Variants in CEP43 observed in about 807,000 individuals in gnomAD.
CEP43 encodes the protein FGFR1 oncogene partner.
A neutral mutation model predicts 52.6 loss-of-function variants in CEP43; 36 were observed. That is an observed-to-expected ratio of 0.68 (90% CI 0.52 to 0.90). The LOEUF (loss-of-function observed/expected upper bound fraction) is 0.90. Among genes scored for constraint, CEP43 ranks in the 40% least tolerant of loss-of-function variants. The pLI, the probability that CEP43 is intolerant of heterozygous loss-of-function variation, is 0.00. For synonymous variants in CEP43, 192 were observed against 172.4 expected (o/e 1.11, Z -0.89); for missense variants, 506 against 472.8 (o/e 1.07, Z -0.65).
Position 167,047,790 on chromosome 6 carries a change from C to T in CEP43, c.*7812C>T, listed in dbSNP as rs1464814406. 6.6e-6 allele frequency: 1 copy of T among 152,002 alleles called. No individual in the cohort carries two copies. The highest frequency in any genetic ancestry group is 1.5e-5 in the Non-Finnish European group (1 of 68,010). 9.4% of individuals were successfully genotyped at this position (152,002 alleles called of 1,614,324 possible). The stretch of plus-strand genomic sequence containing the variant: ...CCCTGTTAGCGGTATGTGGTAAGAA[C>T]ATGAGACACAGAATCAGAAACCATG... On this transcript the variant is annotated 3_prime_UTR_variant, in exon 13 of 13. Coordinates refer to ENST00000366847, the MANE Select transcript of CEP43 (RefSeq NM_007045.4).
At chr6:167,028,763 C>G (rs1191521794) in intron 10 of CEP43, among the ~76,000 whole-genome samples, 1 of 152,172 alleles carries the variant, frequency 6.6e-6, no homozygotes, top group Non-Finnish European at 1.5e-5. Context: ...AGTCCTGATG[C>G]ATCACACAGA....
Position 167,040,591 on chromosome 6 carries a change from T to C in CEP43, c.*613T>C, listed in dbSNP as rs1780675258. 9.5e-7 allele frequency: 1 copy of C among 1,048,540 alleles called. No homozygotes were observed. The highest frequency in any genetic ancestry group is 1.2e-6 in the Non-Finnish European group (1 of 866,560). 65.0% of individuals were successfully genotyped at this position (1,048,540 alleles called of 1,614,324 possible). On this transcript the variant is annotated 3_prime_UTR_variant, in exon 13 of 13. Transcript: ENST00000366847. ...CTTGTGTGTGCTATTTAGTTTTGCT[T>C]GTTTTAAAGAAATCTAGAAGTGGTT...
intron 10 of CEP43, among the ~76,000 whole-genome samples, chr6:167,030,238 C>G (rs538328658): frequency 1.3e-5 from 2 of 152,340 alleles, no homozygotes; most frequent in Admixed American, 1.3e-4. Context: ...CACAGCCGTC[C>G]TCGCTGTCTC....
chr6:167,003,878 A>G, intron 4 of CEP43, 67 bp downstream of exon 4: 2 of 937,260 alleles, frequency 2.1e-6, no homozygotes, highest in Non-Finnish European at 3.3e-6. Context: ...TATTAAGCTG[A>G]AAGTTAATAG....
At chr6:167,033,005 C>A (rs1780503237) in intron 11 of CEP43, among the ~76,000 whole-genome samples, 1 of 151,034 alleles carries the variant, frequency 6.6e-6, no homozygotes, top group African/African-American at 2.4e-5. Flanking sequence ...TCAAAATTGA[C>A]CTAAAATAAT....
At chr6:167,002,673 A>G (rs915047225) in intron 2 of CEP43, among the ~76,000 whole-genome samples, 13 of 152,242 alleles carry the variant, frequency 8.5e-5, no homozygotes, top group Admixed American at 8.5e-4. Context: ...GCCTCTTCTC[A>G]GCAACAATCA....
At chr6:167,028,234 A>G in intron 10 of CEP43, 3 of 985,320 alleles carry the variant, frequency 3.0e-6, no homozygotes, top group South Asian at 4.7e-5. Context: ...CTCTTACCAA[A>G]GCGAGGGTTT....
Position 167,041,574 on chromosome 6 carries a change from GTTCTGGTC to G in CEP43, c.*1597_*1604del. 1.9e-6 allele frequency: 2 copies of G among 1,048,896 alleles called. No homozygotes were observed. The highest frequency in any genetic ancestry group is 2.3e-6 in the Non-Finnish European group (2 of 868,970). The allele number at this position is 1,048,896 out of a possible 1,614,324, so 65.0% of individuals were successfully genotyped here. A position where few individuals can be genotyped will look rare whatever the true frequency, so the allele number is the denominator to read the frequency against. On this transcript the variant is annotated 3_prime_UTR_variant, in exon 13 of 13. Coordinates refer to ENST00000366847, the MANE Select transcript of CEP43 (RefSeq NM_007045.4). ...ACAGTCACTTTCTAAAAGCACTATA[GTTCTGGTC>G]CCCTGGAATCTGGATCACATGTATG...
chr6:167,026,436 T>TA (rs1562530704), intron 9 of CEP43, 111 bp from the exon 10 acceptor site: 4 of 710,728 alleles, frequency 5.6e-6, no homozygotes, highest in Non-Finnish European at 7.6e-6. Context: ...TTTAGGTTAT[T>TA]ATGCTCCTGT....
chr6:167,036,229 G>A, intron 12 of CEP43: 1 of 985,420 alleles, frequency 1.0e-6, no homozygotes, highest in Non-Finnish European at 1.2e-6. Flanking sequence ...ACTCTGACTT[G>A]GTTCTGCGAG....
chr6:167,023,188 G>A (rs1780278751), intron 8 of CEP43, among the ~76,000 whole-genome samples: 1 of 152,150 alleles, frequency 6.6e-6, no homozygotes. Context: ...AGAGCAAGAT[G>A]GGGATCGGAT....
chr6:167,052,546 C>T lies in CEP43; in HGVS notation c.*12568C>T, dbSNP rs1004550667. On this transcript the variant is annotated 3_prime_UTR_variant, in exon 13 of 13. Coordinates refer to ENST00000366847, the MANE Select transcript of CEP43 (RefSeq NM_007045.4). Reference sequence around the variant, plus strand: ...CATCCCTTGCCTTTCACCAAGTGACCCTATACTGGCGGCAGAACTTCTCGA... The same window carrying T: ...CATCCCTTGCCTTTCACCAAGTGACTCTATACTGGCGGCAGAACTTCTCGA... The T allele has an allele frequency of 1.3e-5, 2 of 152,166 alleles. No individual in the cohort carries two copies. Among genetic ancestry groups the T allele is most frequent in the African/African-American group, 4.8e-5 (2 of 41,428 alleles). The allele number at this position is 152,166 out of a possible 1,614,324, so 9.4% of individuals were successfully genotyped here. A position where few individuals can be genotyped will look rare whatever the true frequency, so the allele number is the denominator to read the frequency against.
intron 9 of CEP43, among the ~76,000 whole-genome samples, chr6:167,026,275 A>G (rs1224221090): frequency 6.6e-6 from 1 of 152,220 alleles, no homozygotes; most frequent in African/African-American, 2.4e-5. Context: ...AGGCGGGAGA[A>G]TCGCTTGAAC....
intron 9 of CEP43, among the ~76,000 whole-genome samples, chr6:167,025,937 A>ACGAGGTCAGG (rs1780345262): frequency 6.6e-6 from 1 of 152,272 alleles, no homozygotes. Flanking sequence ...AAGGAAAAAT[A>ACGAGGTCAGG]AGACTCATGA....
chr6:167,013,397 T>A, intron 6 of CEP43, 111 bp from the exon 7 acceptor site: 1 of 802,902 alleles, frequency 1.2e-6, no homozygotes, highest in Non-Finnish European at 2.0e-6. Context: ...ATTAACTAGA[T>A]GTTCCACTTC....
intron 2 of CEP43, among the ~76,000 whole-genome samples, chr6:167,000,599 C>T (rs1459714745): frequency 6.6e-6 from 1 of 152,316 alleles, no homozygotes; most frequent in Non-Finnish European, 1.5e-5. Flanking sequence ...TCCCACCAAC[C>T]ATCCTGAGTA....
chr6:167,014,099 G>A (rs1316715482), intron 7 of CEP43, among the ~76,000 whole-genome samples: 1 of 152,206 alleles, frequency 6.6e-6, no homozygotes, highest in Non-Finnish European at 1.5e-5. Flanking sequence ...AATTCCTGTT[G>A]TGTTGGCAAT....
intron 5 of CEP43, among the ~76,000 whole-genome samples, chr6:167,008,065 C>T (rs1381950002): frequency 4.6e-5 from 7 of 151,972 alleles, no homozygotes; most frequent in African/African-American, 1.5e-4. Flanking sequence ...CCAGATTCTT[C>T]AGCCCTTATG....
chr6:167,043,853 AG>A lies in CEP43; in HGVS notation c.*3876del, dbSNP rs1780751396. The A allele has an allele frequency of 6.6e-6, 1 of 152,248 alleles. No individual in the cohort carries two copies. The highest frequency in any genetic ancestry group is 1.5e-5 in the Non-Finnish European group (1 of 68,036). 9.4% of individuals were successfully genotyped at this position (152,248 alleles called of 1,614,324 possible). On this transcript the variant is annotated 3_prime_UTR_variant, in exon 13 of 13. Coordinates refer to ENST00000366847, the MANE Select transcript of CEP43 (RefSeq NM_007045.4). Reference sequence around the variant, plus strand: ...CAGATGAACAAAGAACTGATCTTGAAGAAAATGTAATCAGGAAACGAGATAA... The same window carrying A: ...CAGATGAACAAAGAACTGATCTTGAAAAAATGTAATCAGGAAACGAGATAA...
Sources: allele counts gnomAD v4.1 joint callset (sites outside exome capture counted in the v4.1 genomes callset), GRCh38; gene constraint gnomAD v4.1.1; transcripts MANE v1.5; gene names NCBI Gene and HGNC (gene_info 2026-07-23, HGNC 2026-07-21).